The following UPK1A variants were observed in gnomAD, a reference collection of about 807,000 sequenced individuals.
UPK1A encodes the protein uroplakin 1A, also known as uroplakin-1a.
Under a neutral mutation model 32.3 loss-of-function variants are expected in UPK1A, and 31 were observed. That is an observed-to-expected ratio of 0.96 (90% CI 0.72 to 1.30). The LOEUF is 1.30. UPK1A is among the 50% of genes most tolerant of loss of function. The pLI, the probability that UPK1A is intolerant of heterozygous loss-of-function variation, is 0.00. For synonymous variants in UPK1A, 135 were observed against 137.1 expected (o/e 0.98, Z 0.11); for missense variants, 340 against 357.4 (o/e 0.95, Z 0.39).
At chr19:35,668,566 T>C in exon 3 of UPK1A, 1 of 1,614,156 alleles carries the variant, frequency 6.2e-7, no homozygotes, top group South Asian at 1.1e-5. Flanking sequence ...GGTGCCTGGA[T>C]TGCCATCTTC....
chr19:35,675,891 G>T, exon 6 of UPK1A: 1 of 1,613,968 alleles, frequency 6.2e-7, no homozygotes, highest in Non-Finnish European at 8.5e-7. Flanking sequence ...CTTCACGTCA[G>T]CCTTCCGGGC....
At chr19:35,668,256 G>A (rs1348460227) in intron 2 of UPK1A, 198 bp from the exon 3 acceptor site, 11 of 651,378 alleles carry the variant, frequency 1.7e-5, no homozygotes, top group Non-Finnish European at 2.9e-5. Context: ...GGGCGTGGGG[G>A]TCGGTTGTCT....
intron 2 of UPK1A, 53 bp from the exon 3 acceptor site, chr19:35,668,401 G>C (rs1275429199): frequency 6.2e-7 from 1 of 1,607,512 alleles, no homozygotes; most frequent in Non-Finnish European, 8.5e-7. Context: ...GAGATGCCTG[G>C]TGCCAGGGCT....
rs377645091 is a variant in UPK1A at position 35,675,952 on chromosome 19, C to T, written c.581C>T (p.Thr194Met). 62 of 1,613,916 alleles carry T rather than the reference C, an allele frequency of 3.8e-5. 1 individual carries two copies. The Admixed American group carries it at 5.3e-4, about 14-fold the overall frequency. Residue 194 changes from threonine (T) to methionine (M), a missense_variant, in exon 6 of 8, where the codon ACG becomes ATG. By Grantham distance (81) the Thr-to-Met change is moderately conservative (BLOSUM62 -1). Coordinates refer to ENST00000617999, the Ensembl canonical transcript of UPK1A. The stretch of plus-strand genomic sequence containing the variant: ...TGGCCCCCACTGTGCTGTCGCCGGA[C>T]GGGAAACTTCATCCCCCTCAACGAG...
At chr19:35,675,697 C>A in intron 5 of UPK1A, 143 bp from the exon 6 acceptor site, 1 of 912,328 alleles carries the variant, frequency 1.1e-6, no homozygotes, top group Non-Finnish European at 1.6e-6. Context: ...CCACCGGACA[C>A]ACTCGCTTGG....
chr19:35,668,166 A>T (rs931137302), intron 2 of UPK1A: 55 of 493,162 alleles, frequency 1.1e-4, no homozygotes, highest in Admixed American at 5.3e-4. Context: ...CAGATGGACC[A>T]AGCATCTCCT....
chr19:35,667,682 T>C (rs1968020166), intron 2 of UPK1A, among the ~76,000 whole-genome samples: 1 of 151,668 alleles, frequency 6.6e-6, no homozygotes, highest in Non-Finnish European at 1.5e-5. Context: ...TTAGAAGAGA[T>C]GGGGTTTCAC....
At position 35,670,907 on chromosome 19, in the gene UPK1A, G is replaced by A. The variant is rs570073013; in HGVS notation, c.285+2253G>A. ...TTTTTGTATTTTTTGTAGAGATGGA[G>A]TCTCACTATGGTGCCCAGGCTGGTC... On this transcript the variant is annotated intron_variant, in intron 3 of 7. Coordinates refer to ENST00000617999, the Ensembl canonical transcript of UPK1A. Among the ~76,000 whole-genome samples the A allele has an allele frequency of 2.0e-5, 3 of 151,558 alleles. No individual in the cohort carries two copies. In the South Asian group the frequency reaches 6.3e-4, roughly 32 times the overall value.
rs146205685 is a variant in UPK1A, at chr19:35,675,989, C to T, written c.618C>T (p.Arg206=). The T allele has an allele frequency of 6.7e-4, 1,074 of 1,613,756 alleles. 3 individuals are homozygous for T. In the African/African-American group the frequency reaches 0.012, roughly 18 times the overall value. The change falls in exon 6 of 8, where the codon CGC becomes CGT. Residue 206 remains arginine (R), a synonymous_variant. Transcript: ENST00000617999. ...TCCCCCTCAACGAGGAGGGCTGCCG[C>T]CTGGGGCACATGGACTACCTGTTCA...
chr19:35,668,564 G>T, exon 3 of UPK1A: 1 of 1,614,152 alleles, frequency 6.2e-7, no homozygotes. Context: ...CTGGTGCCTG[G>T]ATTGCCATCT....
intron 3 of UPK1A, among the ~76,000 whole-genome samples, chr19:35,670,608 C>G (rs1347513628): frequency 1.5e-5 from 2 of 133,876 alleles, no homozygotes; most frequent in South Asian, 5.6e-4. Flanking sequence ...TCTAGACAGG[C>G]AGGTATTGTG....
chr19:35,666,800 GT>G lies in UPK1A; in HGVS notation c.-4-8del. The G allele has an allele frequency of 6.2e-7, 1 of 1,613,942 alleles. No individual in the cohort carries two copies. ...CGCTCCTGGCCTCATCCCTGCTCAT[GT>G]GTCCCAGGATGATGGCGTCTGCGGC... On this transcript the variant is annotated splice_polypyrimidine_tract_variant and splice_region_variant and intron_variant, in intron 1 of 7. Transcript: ENST00000617999.
intron 2 of UPK1A, 101 bp downstream of exon 2, chr19:35,666,997 G>C (rs1052170175): frequency 1.1e-4 from 130 of 1,223,984 alleles, no homozygotes; most frequent in Middle Eastern, 2.0e-4. Flanking sequence ...TGTCTCTCGG[G>C]CAGACTCAGT....
chr19:35,677,532 C>CA lies in UPK1A; in HGVS notation c.649-266dup, dbSNP rs56715648. On this transcript the variant is annotated intron_variant, in intron 6 of 7. Coordinates refer to ENST00000617999, the Ensembl canonical transcript of UPK1A. The stretch of plus-strand genomic sequence containing the variant: ...CAGAGGGAGACTGCGAGACTGTCTC[C>CA]AAAAAAAAAAAAAAGCCAGCTGTAA... Among the ~76,000 whole-genome samples the CA allele has an allele frequency of 6.7e-3, 824 of 123,032 alleles. 2 individuals carry two copies. The highest frequency in any genetic ancestry group is 0.02 in the African/African-American group (670 of 33,500). 80.7% of individuals were successfully genotyped at this position (123,032 alleles called of 152,430 possible).
chr19:35,669,380 C>T (rs1473414899), intron 3 of UPK1A, among the ~76,000 whole-genome samples: 2 of 151,700 alleles, frequency 1.3e-5, no homozygotes, highest in African/African-American at 2.4e-5. Context: ...AAATGAGCTT[C>T]GTGGCCAGGC....
At chr19:35,675,688 C>T in intron 5 of UPK1A, 152 bp from the exon 6 acceptor site, 1 of 816,012 alleles carries the variant, frequency 1.2e-6, no homozygotes, top group Non-Finnish European at 1.8e-6. Flanking sequence ...CACAGACACC[C>T]ACCGGACACA....
In UPK1A at chr19:35,673,321, G is replaced by A; in HGVS notation, c.360+15G>A. 1 of 1,613,888 alleles carries A rather than the reference G, an allele frequency of 6.2e-7. No individual in the cohort carries two copies. ...ACCGTGACTACGTGAGCCCGGCGAG[G>A]CCTGGGGAGGGGCCTGACCTGCATG... is the stretch of plus-strand genomic sequence containing the variant. On this transcript the variant is annotated intron_variant, in intron 4 of 7. Transcript: ENST00000617999.
chr19:35,673,398 C>A (rs1568347982), intron 4 of UPK1A, 40 bp from the exon 5 acceptor site: 1 of 1,611,510 alleles, frequency 6.2e-7, no homozygotes, highest in Non-Finnish European at 8.5e-7. Context: ...TCTCTCCCCA[C>A]CCAGCCCTGC....
intron 5 of UPK1A, among the ~76,000 whole-genome samples, chr19:35,674,393 CCT>C (rs1239157704): frequency 6.6e-6 from 1 of 151,844 alleles, no homozygotes; most frequent in African/African-American, 2.4e-5. Flanking sequence ...ACTACAGGCG[CCT>C]GCCACCGCGC....
Sources: gnomAD v4.1 joint callset for allele counts (sites outside exome capture counted in the v4.1 genomes callset) on GRCh38, gnomAD v4.1.1 for gene constraint, MANE v1.5 for transcripts, NCBI Gene and HGNC (gene_info 2026-07-23, HGNC 2026-07-21) for gene names.